The following MAP3K9 variants were observed in gnomAD, a reference collection of about 807,000 sequenced individuals.
The protein encoded by MAP3K9 is mitogen-activated protein kinase kinase kinase 9.
Under a neutral mutation model 95.8 loss-of-function variants are expected in MAP3K9, and 46 were observed. The ratio of observed to expected loss-of-function variants is 0.48; its 90% CI spans 0.38 to 0.61. The LOEUF (loss-of-function observed/expected upper bound fraction) is 0.61, where lower values mean the gene tolerates loss of function less well. MAP3K9 is among the 20% of genes least tolerant of loss of function. MAP3K9 has a pLI of 0.00. For synonymous variants in MAP3K9, 533 were observed against 593.8 expected (o/e 0.90, Z 1.49); for missense variants, 1,296 against 1,474.3 (o/e 0.88, Z 1.98).
chr14:70,732,814 G>A lies in MAP3K9; in HGVS notation c.2555C>T (p.Ser852Phe), dbSNP rs909851769. The change falls in exon 11 of 12, where the codon TCC becomes TTC. Residue 852 changes from serine to phenylalanine, a missense_variant. Transcript: ENST00000554752. Reference protein sequence around the residue: ...ECNSTRSLLRSDSDEIVVYEM... With the variant: ...ECNSTRSLLRFDSDEIVVYEM... ...ATACACGACAATTTCATCGCTGTCG[G>A]AGCGCAGCAGGGAGCGTGTGGAGTT... 3 of 1,614,024 alleles carry A rather than the reference G, an allele frequency of 1.9e-6. No individual in the cohort carries two copies. The highest frequency in any genetic ancestry group is 1.7e-5 in the Admixed American group (1 of 60,006).
At chr14:70,736,085 C>A (rs1322767397) in intron 8 of MAP3K9, 56 bp from the exon 9 acceptor site, 1 of 1,162,392 alleles carries the variant, frequency 8.6e-7, no homozygotes, top group African/African-American at 1.5e-5. Context: ...CCAGCTCAGC[C>A]TCTCCCACAC....
chr14:70,752,376 G>A (rs1355809269), intron 3 of MAP3K9, among the ~76,000 whole-genome samples: 1 of 152,208 alleles, frequency 6.6e-6, no homozygotes, highest in Non-Finnish European at 1.5e-5. Context: ...ATAGATATGT[G>A]AGTGAGTGGG....
chr14:70,768,106 A>G (rs745312822), intron 2 of MAP3K9, among the ~76,000 whole-genome samples: 20 of 152,202 alleles, frequency 1.3e-4, no homozygotes, highest in Non-Finnish European at 2.5e-4. Flanking sequence ...CAGGGTGACT[A>G]TAGTCAAAAT....
chr14:70,793,452 C>G (rs1227275128), intron 2 of MAP3K9, among the ~76,000 whole-genome samples: 1 of 151,970 alleles, frequency 6.6e-6, no homozygotes, highest in Admixed American at 6.6e-5. Context: ...TTTGGGAGAC[C>G]AAAGCAGGTG....
At position 70,742,914 on chromosome 14, in the gene MAP3K9, TA is replaced by T. The variant is rs2054095611; in HGVS notation, c.1327-324del. Reference sequence around the variant, plus strand: ...ATTGCCTGTGATTTATATATATTTATATATATATATATATATATATATAGGT... The same window carrying T: ...ATTGCCTGTGATTTATATATATTTATTATATATATATATATATATATAGGT... On this transcript the variant is annotated intron_variant, in intron 5 of 11. Coordinates refer to ENST00000554752, the MANE Select transcript of MAP3K9 (RefSeq NM_001284230.2). 0.018 allele frequency among the ~76,000 whole-genome samples: 63 copies of T among 3,574 alleles called. No individual in the cohort carries two copies. In the Middle Eastern group the frequency reaches 0.25, roughly 14 times the overall value. The allele number at this position is 3,574 out of a possible 152,430, so 2.3% of individuals were successfully genotyped here.
intron 1 of MAP3K9, among the ~76,000 whole-genome samples, chr14:70,804,322 A>C (rs1044292260): frequency 6.6e-6 from 1 of 152,232 alleles, no homozygotes; most frequent in African/African-American, 2.4e-5. Context: ...TCTGAGCCCC[A>C]GAATGAATCC....
chr14:70,806,746 T>C (rs1427273119), intron 1 of MAP3K9, among the ~76,000 whole-genome samples: 3 of 152,124 alleles, frequency 2.0e-5, no homozygotes, highest in Non-Finnish European at 4.4e-5. Flanking sequence ...AGAAACCGAG[T>C]TCCTGATCAC....
At chr14:70,736,693 G>A (rs756062747) in intron 8 of MAP3K9, among the ~76,000 whole-genome samples, 26 of 152,198 alleles carry the variant, frequency 1.7e-4, no homozygotes, top group East Asian at 1.9e-4. Flanking sequence ...GAGTTTCTCA[G>A]ACCCAGCTCA....
chr14:70,730,913 G>C, intron 11 of MAP3K9, 49 bp from the exon 12 acceptor site: 3 of 1,546,722 alleles, frequency 1.9e-6, no homozygotes, highest in Non-Finnish European at 2.6e-6. Context: ...ACCATATTTC[G>C]GGGTTAGATA....
chr14:70,740,231 A>C (rs2054051396), intron 6 of MAP3K9, 67 bp from the exon 7 acceptor site: 1 of 1,534,326 alleles, frequency 6.5e-7, no homozygotes, highest in East Asian at 2.3e-5. Flanking sequence ...TATAAGAAAT[A>C]TGACATTCCT....
At chr14:70,753,383 C>T (rs1337285124) in intron 3 of MAP3K9, among the ~76,000 whole-genome samples, 2 of 152,196 alleles carry the variant, frequency 1.3e-5, no homozygotes, top group Non-Finnish European at 2.9e-5. Flanking sequence ...AACTAGTTTT[C>T]CTCTGCCAAC....
rs2053933041 is a variant in MAP3K9, at chr14:70,733,041, C to T, written c.2328G>A (p.Gln776=). The T allele has an allele frequency of 6.2e-7, 1 of 1,614,190 alleles. No homozygotes were observed. The highest frequency in any genetic ancestry group is 1.7e-5 in the Admixed American group (1 of 60,024). The change falls in exon 11 of 12, where the codon CAG becomes CAA. Residue 776 remains glutamine (Q), a synonymous_variant. Transcript: ENST00000554752. ...GFDLLEAGKC[Q]LLPLEEPEPP... is the part of the protein sequence containing the mutation. Reference sequence around the variant, plus strand: ...GCTCAGGCTCCTCCAGGGGAAGCAGCTGGCACTTGCCAGCTTCCAGCAAGT... The same window carrying T: ...GCTCAGGCTCCTCCAGGGGAAGCAGTTGGCACTTGCCAGCTTCCAGCAAGT...
rs1207778328 is a variant in MAP3K9, at chr14:70,809,425, C to T, written c.-254G>A. The T allele has an allele frequency of 2.1e-5, 7 of 337,108 alleles. No homozygotes were observed. The highest frequency in any genetic ancestry group is 4.7e-5 in the East Asian group (1 of 21,494). 20.9% of individuals were successfully genotyped at this position (337,108 alleles called of 1,614,324 possible). ...AGTCCCCGCCTGCCCGCTCGCCCCCCCGGGGGCGGCCTCGTCACCTCTGCC... is the reference window on the plus strand; with the variant it reads ...AGTCCCCGCCTGCCCGCTCGCCCCCTCGGGGGCGGCCTCGTCACCTCTGCC... On this transcript the variant is annotated 5_prime_UTR_variant, in exon 1 of 12. Transcript: ENST00000554752.
intron 8 of MAP3K9, 103 bp downstream of exon 8, chr14:70,738,142 G>T: frequency 8.2e-7 from 1 of 1,214,424 alleles, no homozygotes; most frequent in Non-Finnish European, 1.1e-6. Flanking sequence ...TTCTCAGAAA[G>T]CAATCAAACA....
chr14:70,741,833 G>T (rs1330443390), intron 6 of MAP3K9, among the ~76,000 whole-genome samples: 5 of 152,220 alleles, frequency 3.3e-5, no homozygotes, highest in African/African-American at 4.8e-5. Flanking sequence ...TGTAATCCCA[G>T]CTGCTCGGGG....
intron 3 of MAP3K9, among the ~76,000 whole-genome samples, chr14:70,752,012 C>T (rs1485628250): frequency 6.6e-6 from 1 of 152,202 alleles, no homozygotes; most frequent in Non-Finnish European, 1.5e-5. Context: ...CAAGATCCAA[C>T]TCAAATGTCC....
intron 1 of MAP3K9, among the ~76,000 whole-genome samples, chr14:70,802,452 T>C (rs577140452): frequency 6.6e-6 from 1 of 152,300 alleles, no homozygotes; most frequent in Admixed American, 6.5e-5. Flanking sequence ...CTTTCATGGG[T>C]AGATAATAAT....
chr14:70,798,547 C>A (rs1378442481), intron 2 of MAP3K9, among the ~76,000 whole-genome samples: 1 of 129,312 alleles, frequency 7.7e-6, no homozygotes, highest in Non-Finnish European at 1.6e-5. Context: ...GGCGGGATCT[C>A]GGCTCACTGC....
intron 2 of MAP3K9, among the ~76,000 whole-genome samples, chr14:70,790,810 T>C (rs2054799485): frequency 6.6e-6 from 1 of 152,188 alleles, no homozygotes; most frequent in Non-Finnish European, 1.5e-5. Context: ...AGCTACATTT[T>C]TCTCCTGACT....
Sources: allele counts gnomAD v4.1 joint callset (sites outside exome capture counted in the v4.1 genomes callset), GRCh38; gene constraint gnomAD v4.1.1; transcripts MANE v1.5; gene names NCBI Gene and HGNC (gene_info 2026-07-23, HGNC 2026-07-21).